Variants in MECOM observed in about 807,000 individuals in gnomAD.
The protein encoded by MECOM is MDS1 and EVI1 complex locus.
MECOM carries 13 observed loss-of-function variants against 116.3 expected under a neutral mutation model. The observed-to-expected ratio is 0.11, with a 90% CI of 0.07 to 0.18. The LOEUF (loss-of-function observed/expected upper bound fraction) is 0.18, where lower values mean the gene tolerates loss of function less well. MECOM is among the 10% of genes least tolerant of loss of function. The pLI, the probability that MECOM is intolerant of heterozygous loss-of-function variation, is 1.00. For synonymous variants in MECOM, 528 were observed against 535.2 expected (o/e 0.99, Z 0.19); for missense variants, 1,299 against 1,509.0 (o/e 0.86, Z 2.31).
intron 10 of MECOM, 48 bp from the exon 11 acceptor site, chr3:169,102,274 C>T: frequency 6.5e-7 from 1 of 1,527,544 alleles, no homozygotes; most frequent in Non-Finnish European, 8.8e-7. Context: ...ATCTTGTCTT[C>T]TATAATAATC....
At chr3:169,514,231 G>A (rs1036068326) in intron 1 of MECOM, among the ~76,000 whole-genome samples, 14 of 151,888 alleles carry the variant, frequency 9.2e-5, no homozygotes, top group Non-Finnish European at 1.9e-4. Flanking sequence ...TCAAGTGCAA[G>A]AGATCTTTTC....
intron 1 of MECOM, among the ~76,000 whole-genome samples, chr3:169,485,085 C>G (rs554828785): frequency 2.6e-5 from 4 of 152,082 alleles, no homozygotes; most frequent in Admixed American, 6.6e-5. Flanking sequence ...ACCTCCACCC[C>G]CTGGGTTCAA....
intron 2 of MECOM, among the ~76,000 whole-genome samples, chr3:169,247,508 G>A (rs1577460521): frequency 6.6e-6 from 1 of 151,994 alleles, no homozygotes; most frequent in Non-Finnish European, 1.5e-5. Flanking sequence ...TTCTCCATGT[G>A]GGTCAGGCTG....
intron 1 of MECOM, among the ~76,000 whole-genome samples, chr3:169,594,042 AC>A: frequency 6.7e-6 from 1 of 150,334 alleles, no homozygotes; most frequent in Admixed American, 6.7e-5. Context: ...AATTGCTTGG[AC>A]CCAGGAGGCA....
At chr3:169,543,692 A>G (rs1274741067) in intron 1 of MECOM, among the ~76,000 whole-genome samples, 1 of 152,236 alleles carries the variant, frequency 6.6e-6, no homozygotes. Flanking sequence ...TAACAAATGG[A>G]GAAAGTACAG....
chr3:169,608,778 T>A (rs6776656), intron 1 of MECOM, among the ~76,000 whole-genome samples: 28,917 of 152,170 alleles, frequency 0.19, 2,989 homozygotes, highest in East Asian at 0.26. Flanking sequence ...TTGAATAACC[T>A]GCACAAAGGA....
rs867532752 is a variant in MECOM at position 169,417,310 on chromosome 3, C to A, written c.38-35786G>T. Among the ~76,000 whole-genome samples the A allele has an allele frequency of 1.9e-3, 290 of 149,726 alleles. 7 individuals are homozygous for A. Among genetic ancestry groups the A allele is most frequent in the African/African-American group, 6.8e-3 (280 of 41,122 alleles). ...AAAGTGGGCGAAGGACATGAACAGA[C>A]ACTTCTCAAAAGAAGACATTTATGC... is the stretch of plus-strand genomic sequence containing the variant. On this transcript the variant is annotated intron_variant, in intron 1 of 16. Transcript: ENST00000651503.
intron 2 of MECOM, among the ~76,000 whole-genome samples, chr3:169,356,499 A>G (rs1049181512): frequency 2.6e-5 from 4 of 151,898 alleles, no homozygotes; most frequent in Non-Finnish European, 5.9e-5. Flanking sequence ...CCGCGATAAC[A>G]TCTGCATTCA....
chr3:169,424,098 T>G (rs1004655272), intron 1 of MECOM, among the ~76,000 whole-genome samples: 2 of 152,118 alleles, frequency 1.3e-5, no homozygotes, highest in Non-Finnish European at 2.9e-5. Flanking sequence ...GCCCATGACA[T>G]TTCATCATCT....
chr3:169,584,230 T>C (rs1389674313), intron 1 of MECOM, among the ~76,000 whole-genome samples: 2 of 152,132 alleles, frequency 1.3e-5, no homozygotes, highest in Non-Finnish European at 2.9e-5. Flanking sequence ...TTTTTTTAAA[T>C]TAAAGAGTTG....
intron 15 of MECOM, among the ~76,000 whole-genome samples, chr3:169,089,603 C>T (rs1718996854): frequency 6.6e-6 from 1 of 152,050 alleles, no homozygotes; most frequent in South Asian, 2.1e-4. Flanking sequence ...ATATAGATCA[C>T]ATATATATCT....
At chr3:169,307,712 T>A (rs1001311729) in intron 2 of MECOM, among the ~76,000 whole-genome samples, 2 of 152,186 alleles carry the variant, frequency 1.3e-5, no homozygotes, top group African/African-American at 4.8e-5. Context: ...AAACAAATAG[T>A]ATAAAAAGAT....
chr3:169,111,292 T>C (rs1727297019), intron 9 of MECOM, among the ~76,000 whole-genome samples: 1 of 152,156 alleles, frequency 6.6e-6, no homozygotes, highest in African/African-American at 2.4e-5. Context: ...ATTGTAAAGA[T>C]TATCAGAACA....
In MECOM at chr3:169,382,879, A is replaced by AAAAAAAAAAAAAAAAAAAAAAAGAAG. The variant is rs1358767356; in HGVS notation, c.38-1356_38-1355insCTTCTTTTTTTTTTTTTTTTTTTTTT. On this transcript the variant is annotated intron_variant, in intron 1 of 16. Coordinates refer to ENST00000651503, the MANE Select transcript of MECOM (RefSeq NM_004991.4). Reference sequence around the variant, plus strand: ...AAAAAAAAAAATAAAAAAAATAAAAAAAGAAGGTAAAATGGGTTGCCTCCA... The same window carrying AAAAAAAAAAAAAAAAAAAAAAAGAAG: ...AAAAAAAAAAATAAAAAAAATAAAAAAAAAAAAAAAAAAAAAAAAAAAGAAGAAGAAGGTAAAATGGGTTGCCTCCA... 1.7e-4 allele frequency among the ~76,000 whole-genome samples: 24 copies of AAAAAAAAAAAAAAAAAAAAAAAGAAG among 138,544 alleles called. 1 individual carries two copies. Among genetic ancestry groups the AAAAAAAAAAAAAAAAAAAAAAAGAAG allele is most frequent in the East Asian group, 9.6e-4 (4 of 4,188 alleles). 90.9% of individuals were successfully genotyped at this position (138,544 alleles called of 152,430 possible).
chr3:169,616,771 A>G (rs1346365091), intron 1 of MECOM, among the ~76,000 whole-genome samples: 1 of 152,190 alleles, frequency 6.6e-6, no homozygotes, highest in African/African-American at 2.4e-5. Context: ...TGGGTCAATT[A>G]ATCTTTCTAG....
At chr3:169,189,157 C>T (rs114699710) in intron 2 of MECOM, among the ~76,000 whole-genome samples, 2,865 of 152,112 alleles carry the variant, frequency 0.019, 89 homozygotes, top group African/African-American at 0.065. Context: ...CCTTATAGAT[C>T]ATTAAGACCT....
chr3:169,505,236 AC>A (rs11297213), intron 1 of MECOM, among the ~76,000 whole-genome samples: 32,942 of 151,962 alleles, frequency 0.22, 4,276 homozygotes, highest in Non-Finnish European at 0.29. Flanking sequence ...AGTATATCAT[AC>A]CCTGTAATTC....
chr3:169,486,930 C>T (rs954514154), intron 1 of MECOM, among the ~76,000 whole-genome samples: 4 of 151,972 alleles, frequency 2.6e-5, no homozygotes, highest in Admixed American at 6.6e-5. Flanking sequence ...GTAGAATAAT[C>T]TTCTAGAGAC....
chr3:169,089,922 A>C, intron 15 of MECOM, 78 bp downstream of exon 15: 1 of 1,518,500 alleles, frequency 6.6e-7, no homozygotes, highest in South Asian at 1.4e-5. Flanking sequence ...TAACTCACAA[A>C]TTGCTTATCA....
Sources: gnomAD v4.1 joint callset for allele counts (sites outside exome capture counted in the v4.1 genomes callset) on GRCh38, gnomAD v4.1.1 for gene constraint, MANE v1.5 for transcripts, NCBI Gene and HGNC (gene_info 2026-07-23, HGNC 2026-07-21) for gene names.